The following SERINC3 variants were observed in gnomAD, a reference collection of about 807,000 sequenced individuals.
SERINC3 encodes tumor differentially expressed protein 1.
SERINC3 carries 22 observed loss-of-function variants against 52.1 expected under a neutral mutation model. That is an observed-to-expected ratio of 0.42 (90% CI 0.30 to 0.60). SERINC3 has a LOEUF of 0.60. Among genes scored for constraint, SERINC3 ranks in the 20% least tolerant of loss-of-function variants. The probability of loss-of-function intolerance (pLI) is 0.16; values close to 1 mark genes in which losing one functional copy is unlikely to be tolerated. For missense variants in SERINC3, 564 were observed against 584.6 expected (o/e 0.96, Z 0.36); for synonymous variants, 226 against 212.7 (o/e 1.06, Z -0.54).
chr20:44,514,635 C>G (rs1389026865), intron 1 of SERINC3, among the ~76,000 whole-genome samples: 1 of 152,144 alleles, frequency 6.6e-6, no homozygotes, highest in Non-Finnish European at 1.5e-5. Context: ...GTGGCGGACG[C>G]CTGTAGTCCC....
intron 1 of SERINC3, chr20:44,519,446 A>G: frequency 1.1e-6 from 1 of 923,172 alleles, no homozygotes; most frequent in Non-Finnish European, 1.3e-6. Context: ...GAAAAATTGT[A>G]CAGTAAACGA....
Position 44,519,915 on chromosome 20 carries a change from C to T in SERINC3, c.39+1998G>A, listed in dbSNP as rs534019263. ...TTTCTAAAATCCTTGGAATAACCAG[C>T]GTCTTTTTGTATGCTAATGAGATGA... On this transcript the variant is annotated intron_variant, in intron 1 of 9. Coordinates refer to ENST00000342374, the MANE Select transcript of SERINC3 (RefSeq NM_006811.4). 1.8e-4 allele frequency among the ~76,000 whole-genome samples: 28 copies of T among 152,296 alleles called. No individual in the cohort carries two copies. The South Asian group carries it at 3.1e-3, about 17-fold the overall frequency.
intron 1 of SERINC3, among the ~76,000 whole-genome samples, chr20:44,516,541 G>A (rs2064382093): frequency 6.6e-6 from 1 of 151,726 alleles, no homozygotes; most frequent in Non-Finnish European, 1.5e-5. Context: ...AGGGATTACA[G>A]ACACGTGCCA....
At chr20:44,520,623 G>A (rs1056214526) in intron 1 of SERINC3, among the ~76,000 whole-genome samples, 3 of 152,120 alleles carry the variant, frequency 2.0e-5, no homozygotes, top group South Asian at 2.1e-4. Context: ...GACGGTGGGG[G>A]GATAGGGGTT....
intron 1 of SERINC3, among the ~76,000 whole-genome samples, chr20:44,520,817 CTTGAG>C (rs968052116): frequency 1.3e-5 from 2 of 152,050 alleles, no homozygotes; most frequent in African/African-American, 4.8e-5. Flanking sequence ...AACATGTTTC[CTTGAG>C]TTTTGTGACC....
intron 7 of SERINC3, 53 bp downstream of exon 7, chr20:44,504,748 C>G (rs1568785404): frequency 8.3e-6 from 12 of 1,441,328 alleles, no homozygotes; most frequent in Non-Finnish European, 9.6e-6. Flanking sequence ...TATGTAAAGG[C>G]TGATTTCCTA....
In SERINC3 at chr20:44,498,630, C is replaced by A. The variant is rs2064261966; in HGVS notation, c.*1666G>T. The A allele has an allele frequency of 6.6e-6, 1 of 152,102 alleles. No homozygotes were observed. The highest frequency in any genetic ancestry group is 2.1e-4 in the South Asian group (1 of 4,830). The allele number at this position is 152,102 out of a possible 1,614,324, so 9.4% of individuals were successfully genotyped here. A position where few individuals can be genotyped will look rare whatever the true frequency, so the allele number is the denominator to read the frequency against. ...AATTCTAATTGCTAAGTAGCCCTCA[C>A]CTGTCAATTTCTCCCCGTCCCTACG... is the stretch of plus-strand genomic sequence containing the variant. On this transcript the variant is annotated 3_prime_UTR_variant, in exon 10 of 10. Coordinates refer to ENST00000342374, the MANE Select transcript of SERINC3 (RefSeq NM_006811.4).
chr20:44,507,012 C>A lies in SERINC3; in HGVS notation c.614-16G>T. 6.3e-7 allele frequency: 1 copy of A among 1,577,612 alleles called. No individual in the cohort carries two copies. Among genetic ancestry groups the A allele is most frequent in the African/African-American group, 1.4e-5 (1 of 73,240 alleles). On this transcript the variant is annotated splice_polypyrimidine_tract_variant and intron_variant, in intron 5 of 9. Transcript: ENST00000342374. ...GACAGTAAAGCTGGAGAAAGGGAAACCAATATGAATGACCACAACTATAAT... is the reference window on the plus strand; with the variant it reads ...GACAGTAAAGCTGGAGAAAGGGAAAACAATATGAATGACCACAACTATAAT...
intron 8 of SERINC3, 111 bp downstream of exon 8, chr20:44,503,704 A>T: frequency 3.6e-6 from 3 of 822,888 alleles, no homozygotes; most frequent in Non-Finnish European, 5.6e-6. Context: ...ACTTTTCATT[A>T]AAGAGAGTGA....
intron 5 of SERINC3, among the ~76,000 whole-genome samples, chr20:44,507,738 A>G (rs765968171): frequency 5.9e-5 from 9 of 152,168 alleles, no homozygotes; most frequent in Non-Finnish European, 1.0e-4. Context: ...GCATGGTGGC[A>G]TAAGGCTGTA....
chr20:44,510,148 G>C, intron 4 of SERINC3, 120 bp from the exon 5 acceptor site: 1 of 903,524 alleles, frequency 1.1e-6, no homozygotes, highest in Non-Finnish European at 1.7e-6. Flanking sequence ...TCTGTCTCCA[G>C]CAGTACAGCA....
In SERINC3 at chr20:44,503,157, A is replaced by G. The variant is rs2064290342; in HGVS notation, c.1055+658T>C. Among the ~76,000 whole-genome samples the G allele has an allele frequency of 1.3e-5, 2 of 152,340 alleles. 1 individual carries two copies. Among genetic ancestry groups the G allele is most frequent in the Non-Finnish European group, 2.9e-5 (2 of 68,026 alleles). Reference sequence around the variant, plus strand: ...TCATGGTCACAGACTGGAAGCCTTAATATTGCTGAGATGACAATACTCCCC... The same window carrying G: ...TCATGGTCACAGACTGGAAGCCTTAGTATTGCTGAGATGACAATACTCCCC... On this transcript the variant is annotated intron_variant, in intron 8 of 9. Coordinates refer to ENST00000342374, the MANE Select transcript of SERINC3 (RefSeq NM_006811.4).
intron 9 of SERINC3, 139 bp downstream of exon 9, chr20:44,500,934 G>A: frequency 3.1e-6 from 2 of 637,426 alleles, no homozygotes; most frequent in Non-Finnish European, 2.8e-6. Flanking sequence ...AAATGCTAGA[G>A]GGGATAAAGT....
chr20:44,501,087 C>A lies in SERINC3; in HGVS notation c.1269G>T (p.Leu423=), dbSNP rs1458712559. 8 of 1,613,470 alleles carry A rather than the reference C, an allele frequency of 5.0e-6. No individual in the cohort carries two copies. The highest frequency in any genetic ancestry group is 2.2e-5 in the South Asian group (2 of 91,022). The change falls in exon 9 of 10, where the codon CTG becomes CTT. Residue 423 remains leucine, a synonymous_variant. Coordinates refer to ENST00000342374, the MANE Select transcript of SERINC3 (RefSeq NM_006811.4). The part of the protein sequence containing the change: ...CLASLYIMMT[L]TSWYSPDAKF... ...GTGTCTCCTACCTGTACCAGCTGGTCAGGGTCATCATGATGTACAAGGAAG... is the reference window on the plus strand; with the variant it reads ...GTGTCTCCTACCTGTACCAGCTGGTAAGGGTCATCATGATGTACAAGGAAG...
Position 44,501,162 on chromosome 20 carries a change from T to C in SERINC3, c.1194A>G (p.Lys398=). The change falls in exon 9 of 10, where the codon AAA becomes AAG. Residue 398 remains lysine, a synonymous_variant. Transcript: ENST00000342374. ...AGGAGTAGCTATACTGCACTCCCTC[T>C]TTCTCGTTGTCCACAGCCCGCCGAG... ...GQPRRAVDNE[K]EGVQYSYSLF... is the part of the protein sequence containing the mutation. 1 of 1,614,152 alleles carries C rather than the reference T, an allele frequency of 6.2e-7. No individual in the cohort carries two copies. The highest frequency in any genetic ancestry group is 8.5e-7 in the Non-Finnish European group (1 of 1,180,016).
chr20:44,506,976 C>A lies in SERINC3; in HGVS notation c.634G>T (p.Ala212Ser). 1 of 1,600,402 alleles carries A rather than the reference C, an allele frequency of 6.2e-7. No individual in the cohort carries two copies. The highest frequency in any genetic ancestry group is 1.1e-5 in the South Asian group (1 of 87,792). Residue 212 changes from alanine to serine, a missense_variant, in exon 6 of 10, where the codon GCC (alanine) becomes TCC (serine). Coordinates refer to ENST00000342374, the MANE Select transcript of SERINC3 (RefSeq NM_006811.4). ...CAGATGATTGACAGGATATAAAAGG[C>A]GCTTGTGAAAGACAGTAAAGCTGGA... is the stretch of plus-strand genomic sequence containing the variant. Reference protein sequence around the residue: ...WYAALLSFTSAFYILSIICVG... With the variant: ...WYAALLSFTSSFYILSIICVG...
At chr20:44,518,815 TTAGCCAGGC>T (rs1600820793) in intron 1 of SERINC3, among the ~76,000 whole-genome samples, 1 of 152,076 alleles carries the variant, frequency 6.6e-6, no homozygotes, top group East Asian at 1.9e-4. Context: ...AAATACAAAA[TTAGCCAGGC>T]GTGGTGGCAC....
intron 3 of SERINC3, 85 bp from the exon 4 acceptor site, chr20:44,511,453 T>A (rs2064347260): frequency 1.2e-6 from 1 of 829,516 alleles, no homozygotes; most frequent in South Asian, 1.5e-5. Context: ...GCAAAAATAA[T>A]AACTTAATAG....
intron 1 of SERINC3, among the ~76,000 whole-genome samples, chr20:44,515,707 G>A (rs989299833): frequency 6.6e-6 from 1 of 151,360 alleles, no homozygotes; most frequent in African/African-American, 2.4e-5. Context: ...CTGGAGTGCA[G>A]TGGCACAATC....
Sources: gnomAD v4.1 joint callset for allele counts (sites outside exome capture counted in the v4.1 genomes callset) on GRCh38, gnomAD v4.1.1 for gene constraint, MANE v1.5 for transcripts, NCBI Gene and HGNC (gene_info 2026-07-23, HGNC 2026-07-21) for gene names.